The following CFAP47 variants were observed in gnomAD, a reference collection of about 807,000 sequenced individuals.
CFAP47 encodes the protein cilia- and flagella-associated protein 47.
CFAP47 carries 29 observed loss-of-function variants against 148.1 expected under a neutral mutation model. The ratio of observed to expected loss-of-function variants is 0.20; its 90% CI spans 0.15 to 0.27. The LOEUF (loss-of-function observed/expected upper bound fraction) is 0.27. Ranked by LOEUF, CFAP47 falls within the 10% of genes least tolerant of loss-of-function variation. The pLI, the probability that CFAP47 is intolerant of heterozygous loss-of-function variation, is 1.00. For missense variants in CFAP47, 1,872 were observed against 1,697.5 expected (o/e 1.10, Z -1.81); for synonymous variants, 664 against 577.3 (o/e 1.15, Z -2.15).
chrX:36,204,052 T>C (rs1014288650), intron 44 of CFAP47, among the ~76,000 whole-genome samples: 6 of 111,898 alleles, frequency 5.4e-5, no homozygotes, highest in African/African-American at 9.7e-5. Context: ...ATGTCTTCTT[T>C]TGAGAAGTGT....
At chrX:36,077,747 C>T (rs1364131570) in intron 29 of CFAP47, among the ~76,000 whole-genome samples, 1 of 111,591 alleles carries the variant, frequency 9.0e-6, no homozygotes, top group Non-Finnish European at 1.9e-5. Context: ...TTCCAAATTG[C>T]TGGGTGCAAT....
chrX:36,068,720 G>A (rs1464471907), intron 27 of CFAP47, among the ~76,000 whole-genome samples: 1 of 108,279 alleles, frequency 9.2e-6, no homozygotes, highest in East Asian at 2.9e-4. Flanking sequence ...CACTTTTGGA[G>A]GCTGAAGCAG....
chrX:35,975,882 A>G lies in CFAP47; in HGVS notation c.2682A>G (p.Arg894=). ...AATGGCAACCCGTAAACACAGGAAG[A>G]GGGATAGCATTTTCTATTTGTCCAG... ...QFQWQPVNTG[R]GIAFSICPAK... The change falls in exon 15 of 64, where the codon AGA becomes AGG. Residue 894 remains arginine, a synonymous_variant. Transcript: ENST00000378653. 1 of 1,210,611 alleles carries G rather than the reference A, an allele frequency of 8.3e-7. No individual in the cohort carries two copies. The highest frequency in any genetic ancestry group is 3.0e-5 in the East Asian group (1 of 33,831).
At chrX:36,020,821 T>C (rs975257428) in intron 22 of CFAP47, among the ~76,000 whole-genome samples, 3 of 111,780 alleles carry the variant, frequency 2.7e-5, no homozygotes, top group African/African-American at 9.7e-5. Flanking sequence ...TTTGATGTTA[T>C]TATTGTTAAG....
intron 49 of CFAP47, among the ~76,000 whole-genome samples, chrX:36,268,425 C>CA (rs1164329089): frequency 1.8e-5 from 2 of 112,470 alleles, no homozygotes; most frequent in Non-Finnish European, 3.8e-5. Context: ...GTCCAACACT[C>CA]ACTTGTAATT....
At chrX:36,217,607 G>A (rs782809207) in intron 45 of CFAP47, among the ~76,000 whole-genome samples, 11 of 111,657 alleles carry the variant, frequency 9.9e-5, no homozygotes, top group African/African-American at 2.6e-4. Context: ...TATGCCCTGT[G>A]TACTTTGTTT....
intron 49 of CFAP47, among the ~76,000 whole-genome samples, chrX:36,267,380 A>G (rs2146935025): frequency 9.0e-6 from 1 of 111,601 alleles, no homozygotes; most frequent in African/African-American, 3.3e-5. Context: ...GTTTTTTGCC[A>G]TCAGCAATAT....
intron 21 of CFAP47, among the ~76,000 whole-genome samples, chrX:36,003,330 C>T (rs148694025): frequency 0.011 from 1,170 of 107,894 alleles, 15 homozygotes; most frequent in African/African-American, 0.038. Context: ...AATCCAATTC[C>T]CTAGTACTTT....
intron 1 of CFAP47, among the ~76,000 whole-genome samples, chrX:35,921,330 A>G (rs1010611055): frequency 8.9e-5 from 10 of 112,371 alleles, no homozygotes; most frequent in African/African-American, 3.2e-4. Flanking sequence ...AGTATATCTC[A>G]AGAGACTATT....
At chrX:36,119,097 T>C (rs770811987) in intron 33 of CFAP47, among the ~76,000 whole-genome samples, 8 of 112,052 alleles carry the variant, frequency 7.1e-5, no homozygotes, top group Admixed American at 3.8e-4. Flanking sequence ...AGCTAGGATT[T>C]ACAGTACTTT....
intron 57 of CFAP47, among the ~76,000 whole-genome samples, chrX:36,329,013 A>G (rs914503007): frequency 9.0e-6 from 1 of 111,221 alleles, no homozygotes; most frequent in Non-Finnish European, 1.9e-5. Flanking sequence ...CAAAATATAT[A>G]ATTCATACAA....
intron 40 of CFAP47, among the ~76,000 whole-genome samples, chrX:36,186,030 G>T (rs1465558914): frequency 2.7e-5 from 3 of 111,586 alleles, no homozygotes; most frequent in Middle Eastern, 4.6e-3. Context: ...TATTACAATA[G>T]ATTATCAAAA....
chrX:36,105,722 G>A (rs901153342), intron 33 of CFAP47, among the ~76,000 whole-genome samples: 5 of 111,905 alleles, frequency 4.5e-5, no homozygotes, highest in African/African-American at 1.6e-4. Flanking sequence ...AATAAATAAT[G>A]CTAAGGTGAA....
At chrX:36,069,838 A>G (rs1937713305) in intron 27 of CFAP47, among the ~76,000 whole-genome samples, 1 of 112,063 alleles carries the variant, frequency 8.9e-6, no homozygotes, top group Non-Finnish European at 1.9e-5. Context: ...CTTAAAATAT[A>G]TCAAGTATAT....
intron 33 of CFAP47, among the ~76,000 whole-genome samples, chrX:36,119,813 C>G (rs1180418211): frequency 1.8e-5 from 2 of 111,004 alleles, no homozygotes; most frequent in East Asian, 5.7e-4. Flanking sequence ...GGAATTTGTC[C>G]ATTCCTTCTA....
At chrX:36,058,532 C>T (rs766907670) in intron 26 of CFAP47, among the ~76,000 whole-genome samples, 91 of 111,206 alleles carry the variant, frequency 8.2e-4, no homozygotes, top group African/African-American at 2.9e-3. Context: ...TTTTACTGAC[C>T]TCTCATTTGA....
chrX:36,059,356 C>T (rs942162978), intron 26 of CFAP47, among the ~76,000 whole-genome samples: 1 of 111,364 alleles, frequency 9.0e-6, no homozygotes, highest in Admixed American at 9.6e-5. Flanking sequence ...ATCATCATGT[C>T]GGAGTTTTAG....
intron 39 of CFAP47, among the ~76,000 whole-genome samples, chrX:36,164,629 A>G (rs906689346): frequency 9.0e-6 from 1 of 111,625 alleles, no homozygotes; most frequent in African/African-American, 3.3e-5. Context: ...CATTAAGATA[A>G]CATTTATATG....
chrX:36,195,571 A>G (rs782752345), intron 42 of CFAP47, among the ~76,000 whole-genome samples: 1 of 111,928 alleles, frequency 8.9e-6, no homozygotes, highest in Non-Finnish European at 1.9e-5. Context: ...AACAGATAGT[A>G]GATTACAGGT....
Sources: gnomAD v4.1 joint callset for allele counts (sites outside exome capture counted in the v4.1 genomes callset) on GRCh38, gnomAD v4.1.1 for gene constraint, MANE v1.5 for transcripts, NCBI Gene and HGNC (gene_info 2026-07-23, HGNC 2026-07-21) for gene names.